IGSF3: variants seen among roughly 807,000 people sequenced by gnomAD.
IGSF3 encodes glu-Trp-Ile EWI motif-containing protein 3.
A neutral mutation model predicts 114.4 loss-of-function variants in IGSF3; 23 were observed. That is an observed-to-expected ratio of 0.20 (90% CI 0.14 to 0.28). IGSF3 has a LOEUF of 0.28. Ranked by LOEUF, IGSF3 falls within the 10% of genes least tolerant of loss-of-function variation. IGSF3 has a pLI of 1.00. For synonymous variants in IGSF3, 571 were observed against 645.2 expected, an observed-to-expected ratio of 0.88 and a Z score of 1.74; for missense variants, 1,172 against 1,591.5, an observed-to-expected ratio of 0.74 and a Z score of 4.48.
intron 2 of IGSF3, among the ~76,000 whole-genome samples, chr1:116,663,493 G>A (rs537306905): frequency 6.6e-6 from 1 of 151,896 alleles, no homozygotes; most frequent in South Asian, 2.1e-4. Context: ...CAAGGGTTGT[G>A]GTGGCAGAGC....
chr1:116,644,378 C>T lies in IGSF3; in HGVS notation c.43+21906G>A, dbSNP rs1326195500. On this transcript the variant is annotated intron_variant, in intron 2 of 10. Transcript: ENST00000369486. This position sits in a 1 kb window ranked among gnomAD's most constrained non-coding sequence, Gnocchi z 5.6. ...CGGGAGATGCGCCATATAACAGCAGCAGTTCCACACAGCCCTGCACAGCAG... is the reference window on the plus strand; with the variant it reads ...CGGGAGATGCGCCATATAACAGCAGTAGTTCCACACAGCCCTGCACAGCAG... 2.6e-5 allele frequency among the ~76,000 whole-genome samples: 4 copies of T among 152,248 alleles called. No homozygotes were observed. The highest frequency in any genetic ancestry group is 5.9e-5 in the Non-Finnish European group (4 of 68,048).
chr1:116,660,672 C>T (rs891392280), intron 2 of IGSF3, among the ~76,000 whole-genome samples: 11 of 151,522 alleles, frequency 7.3e-5, no homozygotes, highest in Non-Finnish European at 1.2e-4. Context: ...AAACTCCTGA[C>T]CTCAGGTGAT....
rs1163686196 is a variant in IGSF3, at chr1:116,592,289, AGAGT to A, written c.2030-3189_2030-3186del. Among the ~76,000 whole-genome samples the A allele has an allele frequency of 1.3e-5, 2 of 152,222 alleles. No homozygotes were observed. The highest frequency in any genetic ancestry group is 6.5e-5 in the Admixed American group (1 of 15,284). Reference sequence around the variant, plus strand: ...GCCATAAATGCAGACGTGAAAGAAAAGAGTGAGGCTTGGTTAACCCCCAACAGTG... The same window carrying A: ...GCCATAAATGCAGACGTGAAAGAAAAGAGGCTTGGTTAACCCCCAACAGTG... On this transcript the variant is annotated intron_variant, in intron 7 of 10. Transcript: ENST00000369486. This position sits in a 1 kb window ranked among gnomAD's most constrained non-coding sequence, Gnocchi z 4.5.
rs557942768 is a variant in IGSF3, at chr1:116,625,859, C to A, written c.44-9402G>T. Among the ~76,000 whole-genome samples, 7 of 152,322 alleles carry A rather than the reference C, an allele frequency of 4.6e-5. No homozygotes were observed. The highest frequency in any genetic ancestry group is 3.4e-3 in the Middle Eastern group (1 of 294). ...GAAGATGTAACTGCCAGCTACAGAA[C>A]CATCCAAAAGGACTGCAAACCCAGT... On this transcript the variant is annotated intron_variant, in intron 2 of 10. Transcript: ENST00000369486. The surrounding 1 kb of genome is among the most constrained non-coding windows in gnomAD (Gnocchi z 4.7).
In IGSF3 at chr1:116,598,181, A is replaced by G. The variant is rs77671049; in HGVS notation, c.2029+1760T>C. 2.6e-5 allele frequency among the ~76,000 whole-genome samples: 4 copies of G among 151,978 alleles called. No homozygotes were observed. The highest frequency in any genetic ancestry group is 5.9e-5 in the Non-Finnish European group (4 of 68,010). On this transcript the variant is annotated intron_variant, in intron 7 of 10. Transcript: ENST00000369486. This position sits in a 1 kb window ranked among gnomAD's most constrained non-coding sequence, Gnocchi z 4.3. Reference sequence around the variant, plus strand: ...GTCAGACAAGGTCTTGAGGTCAGCAACTCCTCTACCTTCTACAGCTGCAGA... The same window carrying G: ...GTCAGACAAGGTCTTGAGGTCAGCAGCTCCTCTACCTTCTACAGCTGCAGA...
In IGSF3 at chr1:116,647,421, C is replaced by T. The variant is rs974231443; in HGVS notation, c.43+18863G>A. Among the ~76,000 whole-genome samples the T allele has an allele frequency of 2.6e-5, 4 of 152,224 alleles. No homozygotes were observed. Among genetic ancestry groups the T allele is most frequent in the Admixed American group, 2.6e-4 (4 of 15,282 alleles). On this transcript the variant is annotated intron_variant, in intron 2 of 10. Transcript: ENST00000369486. The surrounding 1 kb of genome is among the most constrained non-coding windows in gnomAD (Gnocchi z 4.6). ...CAAATTCCAGCTCCAAATGGTCACA[C>T]CATGTCTACAGCCAATCAGCTGACC...
intron 1 of IGSF3, 101 bp downstream of exon 1, chr1:116,667,516 GC>G (rs1051205822): frequency 4.0e-5 from 6 of 149,894 alleles, no homozygotes; most frequent in African/African-American, 1.5e-4. Flanking sequence ...GCCGGCGCGG[GC>G]CCGCTCCCCA....
In IGSF3 at chr1:116,629,825, C is replaced by T. The variant is rs1207211373; in HGVS notation, c.44-13368G>A. 1.3e-5 allele frequency among the ~76,000 whole-genome samples: 2 copies of T among 152,240 alleles called. No individual in the cohort carries two copies. Among genetic ancestry groups the T allele is most frequent in the African/African-American group, 4.8e-5 (2 of 41,452 alleles). ...AACTCCTATTTTCTGAGTTATTAAA[C>T]TTTCCATTCCATGTTGATCCCTTCC... On this transcript the variant is annotated intron_variant, in intron 2 of 10. Coordinates refer to ENST00000369486, the MANE Select transcript of IGSF3 (RefSeq NM_001007237.3). The surrounding 1 kb of genome is among the most constrained non-coding windows in gnomAD (Gnocchi z 4.3).
In IGSF3 at chr1:116,614,047, G is replaced by A. The variant is rs530946336; in HGVS notation, c.550C>T (p.Leu184Phe). 1.2e-6 allele frequency: 2 copies of A among 1,614,172 alleles called. No homozygotes were observed. Among genetic ancestry groups the A allele is most frequent in the African/African-American group, 1.3e-5 (1 of 75,036 alleles). The change falls in exon 4 of 11, where the codon CTC (leucine) becomes TTC (phenylalanine). Residue 184 changes from leucine (L) to phenylalanine (F), a missense_variant. By Grantham distance (22) the Leu-to-Phe change is conservative. Around this residue, in one of 3 missense-constraint regions of IGSF3, gnomAD observed 736 missense variants for 1,042.0 expected, o/e 0.71. Transcript: ENST00000369486. The surrounding 1 kb of genome is among the most constrained non-coding windows in gnomAD (Gnocchi z 4.5). ...IQHSHLSVAW[L>F]RQKVGEKPVE... is the part of the protein sequence containing the mutation. ...GGCTTCTCGCCAACTTTCTGCCGGAGCCAGGCCACAGACAGGTGGCTGTGC... is the reference window on the plus strand; with the variant it reads ...GGCTTCTCGCCAACTTTCTGCCGGAACCAGGCCACAGACAGGTGGCTGTGC...
At chr1:116,643,298 C>G (rs1281115243) in intron 2 of IGSF3, among the ~76,000 whole-genome samples, 3 of 152,232 alleles carry the variant, frequency 2.0e-5, no homozygotes, top group African/African-American at 7.2e-5. Context: ...CACGCCACCT[C>G]TCTCTTCTAA....
rs1281724278 is a variant in IGSF3 at position 116,661,870 on chromosome 1, G to A, written c.43+4414C>T. Among the ~76,000 whole-genome samples the A allele has an allele frequency of 6.6e-6, 1 of 152,164 alleles. No homozygotes were observed. Among genetic ancestry groups the A allele is most frequent in the Admixed American group, 6.5e-5 (1 of 15,274 alleles). On this transcript the variant is annotated intron_variant, in intron 2 of 10. Coordinates refer to ENST00000369486, the MANE Select transcript of IGSF3 (RefSeq NM_001007237.3). The surrounding 1 kb of genome is among the most constrained non-coding windows in gnomAD (Gnocchi z 4.0). ...GTTCTAGCCAATGAGAATGTTAGTG[G>A]AAGTGATGTATATAACTTCCAGGAA...
rs1240700841 is a variant in IGSF3, at chr1:116,649,879, G to GT, written c.43+16404dup. Among the ~76,000 whole-genome samples the GT allele has an allele frequency of 2.6e-5, 4 of 152,242 alleles. No individual in the cohort carries two copies. The highest frequency in any genetic ancestry group is 9.6e-5 in the African/African-American group (4 of 41,538). On this transcript the variant is annotated intron_variant, in intron 2 of 10. Transcript: ENST00000369486. This position sits in a 1 kb window ranked among gnomAD's most constrained non-coding sequence, Gnocchi z 4.5. ...GAATTAGTCAGGACATAATCTCCCT[G>GT]TTTTTTGGCAGCGCCACATCCACAC...
chr1:116,635,533 C>A (rs1366947662), intron 2 of IGSF3, among the ~76,000 whole-genome samples: 1 of 152,232 alleles, frequency 6.6e-6, no homozygotes, highest in Non-Finnish European at 1.5e-5. Context: ...GCATCAGCCA[C>A]CTCCCAGTAC....
At chr1:116,580,200 G>A (rs1393350892) in intron 9 of IGSF3, among the ~76,000 whole-genome samples, 1 of 152,178 alleles carries the variant, frequency 6.6e-6, no homozygotes, top group Non-Finnish European at 1.5e-5. Context: ...GAATCCCGGG[G>A]GGAAGAGGTG....
chr1:116,625,695 T>C lies in IGSF3; in HGVS notation c.44-9238A>G, dbSNP rs1661550826. ...AATGCGACAAGATGAGGGCCTGGCCTGGTTTTAAATCCAAGGACAAAAATA... is the reference window on the plus strand; with the variant it reads ...AATGCGACAAGATGAGGGCCTGGCCCGGTTTTAAATCCAAGGACAAAAATA... On this transcript the variant is annotated intron_variant, in intron 2 of 10. Coordinates refer to ENST00000369486, the MANE Select transcript of IGSF3 (RefSeq NM_001007237.3). The surrounding 1 kb of genome is among the most constrained non-coding windows in gnomAD (Gnocchi z 4.7). Among the ~76,000 whole-genome samples, 1 of 152,248 alleles carries C rather than the reference T, an allele frequency of 6.6e-6. No homozygotes were observed. Among genetic ancestry groups the C allele is most frequent in the South Asian group, 2.1e-4 (1 of 4,832 alleles).
At position 116,603,534 on chromosome 1, in the gene IGSF3, A is replaced by C; in HGVS notation, c.1624+90T>G. 1 of 1,316,114 alleles carries C rather than the reference A, an allele frequency of 7.6e-7. No individual in the cohort carries two copies. Among genetic ancestry groups the C allele is most frequent in the Admixed American group, 1.9e-5 (1 of 51,320 alleles). The allele number at this position is 1,316,114 out of a possible 1,614,324, so 81.5% of individuals were successfully genotyped here. A position where few individuals can be genotyped will look rare whatever the true frequency, so the allele number is the denominator to read the frequency against. ...AAAAGACTGGCCATAGTTTCCTGCTAAAACTCTGACTGAGAAAAGTCAGGA... is the reference window on the plus strand; with the variant it reads ...AAAAGACTGGCCATAGTTTCCTGCTCAAACTCTGACTGAGAAAAGTCAGGA... On this transcript the variant is annotated intron_variant, in intron 6 of 10. Coordinates refer to ENST00000369486, the MANE Select transcript of IGSF3 (RefSeq NM_001007237.3). This position sits in a 1 kb window ranked among gnomAD's most constrained non-coding sequence, Gnocchi z 7.1.
chr1:116,635,418 A>C (rs1571178164), intron 2 of IGSF3, among the ~76,000 whole-genome samples: 1 of 152,010 alleles, frequency 6.6e-6, no homozygotes. Context: ...TCACCCATGG[A>C]GTGTCCCTAG....
At chr1:116,635,617 A>G (rs1465603029) in intron 2 of IGSF3, among the ~76,000 whole-genome samples, 1 of 152,232 alleles carries the variant, frequency 6.6e-6, no homozygotes, top group Non-Finnish European at 1.5e-5. Flanking sequence ...CTGTTTAAGA[A>G]AAGGCTTAAG....
rs1249156648 is a variant in IGSF3, at chr1:116,636,112, C to T, written c.44-19655G>A. 1.3e-5 allele frequency among the ~76,000 whole-genome samples: 2 copies of T among 152,188 alleles called. No individual in the cohort carries two copies. Among genetic ancestry groups the T allele is most frequent in the Non-Finnish European group, 1.5e-5 (1 of 68,030 alleles). On this transcript the variant is annotated intron_variant, in intron 2 of 10. Coordinates refer to ENST00000369486, the MANE Select transcript of IGSF3 (RefSeq NM_001007237.3). The surrounding 1 kb of genome is among the most constrained non-coding windows in gnomAD (Gnocchi z 4.5). ...TGCCAGCCATCACCCCGACCACACC[C>T]TCTCAAAAGGCCTTTGCCAGTCATC...
Sources: allele counts gnomAD v4.1 joint callset (sites outside exome capture counted in the v4.1 genomes callset), GRCh38; gene constraint gnomAD v4.1.1; regional missense constraint gnomAD v4.1.1; non-coding constraint Gnocchi (gnomAD v3.1); transcripts MANE v1.5; gene names NCBI Gene and HGNC (gene_info 2026-07-23, HGNC 2026-07-21).